The following SLC12A9 variants were observed in gnomAD, a reference collection of about 807,000 sequenced individuals.
SLC12A9 encodes solute carrier family 12 member 9.
Under a neutral mutation model 66.0 loss-of-function variants are expected in SLC12A9, and 55 were observed. That is an observed-to-expected ratio of 0.83 (90% CI 0.67 to 1.04). SLC12A9 has a LOEUF of 1.04. Among genes scored for constraint, SLC12A9 ranks in the 50% least tolerant of loss-of-function variants. The probability of loss-of-function intolerance (pLI) is 0.00; values close to 1 mark genes in which losing one functional copy is unlikely to be tolerated. For synonymous variants in SLC12A9, 577 were observed against 569.0 expected (o/e 1.01, Z -0.20); for missense variants, 1,061 against 1,241.9 (o/e 0.85, Z 2.19).
rs145345547 is a variant in SLC12A9 at position 100,855,789 on chromosome 7, G to A, written c.400G>A (p.Val134Ile). The A allele has an allele frequency of 1.7e-5, 28 of 1,613,728 alleles. No individual in the cohort carries two copies. The highest frequency in any genetic ancestry group is 2.2e-5 in the East Asian group (1 of 44,888). ...CCTGGCTAACGTCTGTGGCTGTGCC[G>A]TCTCCCTCCTGGGGCTGGTGGAGTC... ...FYLANVCGCA[V>I]SLLGLVESVL... The change falls in exon 4 of 14, where the codon GTC becomes ATC. Residue 134 changes from valine to isoleucine, a missense_variant. Transcript: ENST00000354161.
chr7:100,829,015 T>G, intron 1 of SLC12A9, among the ~76,000 whole-genome samples: 5 of 143,012 alleles, frequency 3.5e-5, no homozygotes, highest in South Asian at 2.2e-4. Flanking sequence ...TGAGACAGAG[T>G]CTCCCTCTAT....
upstream of SLC12A9, among the ~76,000 whole-genome samples, chr7:100,847,808 G>A (rs1468337385): frequency 6.6e-6 from 1 of 151,898 alleles, no homozygotes; most frequent in South Asian, 2.1e-4. Context: ...TAGTAGAGCC[G>A]GGTGCCATGG....
At chr7:100,832,133 G>C (rs540067585) in intron 1 of SLC12A9, among the ~76,000 whole-genome samples, 1 of 152,282 alleles carries the variant, frequency 6.6e-6, no homozygotes, top group South Asian at 2.1e-4. Flanking sequence ...TTGGGAGGCG[G>C]AGGTTGCAGT....
chr7:100,831,517 G>A (rs1813542995), intron 1 of SLC12A9, among the ~76,000 whole-genome samples: 1 of 149,130 alleles, frequency 6.7e-6, no homozygotes, highest in Middle Eastern at 3.2e-3. Context: ...TTACTGTATT[G>A]CCCAGGCTGG....
chr7:100,840,185 TTTGTGGTGTGC>T (rs59535938), intron 1 of SLC12A9, among the ~76,000 whole-genome samples: 4,007 of 152,230 alleles, frequency 0.026, 168 homozygotes, highest in African/African-American at 0.09. Flanking sequence ...TGTTCTTTGT[TTTGTGGTGTGC>T]GTGTGGTGTG....
chr7:100,855,774 G>T lies in SLC12A9; in HGVS notation c.385G>T (p.Val129Phe), dbSNP rs778070838. ...SIGLMFYLAN[V>F]CGCAVSLLGL... ...TGGGCTCATGTTCTACCTGGCTAAC[G>T]TCTGTGGCTGTGCCGTCTCCCTCCT... The change falls in exon 4 of 14, where the codon GTC becomes TTC. Residue 129 changes from valine to phenylalanine, a missense_variant. Coordinates refer to ENST00000354161, the MANE Select transcript of SLC12A9 (RefSeq NM_020246.4). 1 of 1,613,992 alleles carries T rather than the reference G, an allele frequency of 6.2e-7. No homozygotes were observed. The highest frequency in any genetic ancestry group is 2.2e-5 in the East Asian group (1 of 44,896).
intron 1 of SLC12A9, 38 bp from the exon 2 acceptor site, chr7:100,854,099 TTGGGGGTGGGCGAGCTCTG>T (rs1446302448): frequency 3.4e-6 from 4 of 1,163,278 alleles, no homozygotes; most frequent in East Asian, 5.3e-5. Context: ...TTAGTGGTCT[TTGGGGGTGGGCGAGCTCTG>T]TGGGGGAGCT....
intron 1 of SLC12A9, among the ~76,000 whole-genome samples, chr7:100,843,072 T>C (rs1291018402): frequency 1.3e-5 from 2 of 152,274 alleles, no homozygotes; most frequent in Non-Finnish European, 2.9e-5. Flanking sequence ...CAGTCAGCCC[T>C]TGTTCATCCC....
chr7:100,859,418 TA>T (rs1242346700), intron 7 of SLC12A9: 8 of 503,948 alleles, frequency 1.6e-5, no homozygotes, highest in Non-Finnish European at 2.1e-5. Flanking sequence ...CTTGTGCATA[TA>T]CCATTAGGTA....
chr7:100,864,498 AG>A (rs1229942842), intron 13 of SLC12A9, among the ~76,000 whole-genome samples: 5 of 152,288 alleles, frequency 3.3e-5, no homozygotes, highest in African/African-American at 7.2e-5. Flanking sequence ...TTTCATGAGA[AG>A]GGGTCTTGGA....
rs1814429507 is a variant in SLC12A9, at chr7:100,856,947, C to T, written c.528C>T (p.Gly176=). 1.2e-6 allele frequency: 2 copies of T among 1,613,426 alleles called. No homozygotes were observed. Among genetic ancestry groups the T allele is most frequent in the Non-Finnish European group, 1.7e-6 (2 of 1,180,028 alleles). Reference sequence around the variant, plus strand: ...TGCTGTATGGCTCCCTGCTGCTGGGCCTTGTGGGTGGGGTCTGCACCCTGG... The same window carrying T: ...TGCTGTATGGCTCCCTGCTGCTGGGTCTTGTGGGTGGGGTCTGCACCCTGG... ...WNLLYGSLLL[G]LVGGVCTLGA... is the part of the protein sequence containing the mutation. The change falls in exon 5 of 14, where the codon GGC becomes GGT. Residue 176 remains glycine (G), a synonymous_variant. Transcript: ENST00000354161.
At chr7:100,827,075 C>T (rs775095504) in intron 1 of SLC12A9, 5 of 1,548,096 alleles carry the variant, frequency 3.2e-6, no homozygotes, top group South Asian at 2.4e-5. Context: ...TTTGGGGGGC[C>T]CTCGCCCCCC....
rs547741190 is a variant in SLC12A9, at chr7:100,856,150, A to G, written c.448+313A>G. On this transcript the variant is annotated intron_variant, in intron 4 of 13. Coordinates refer to ENST00000354161, the MANE Select transcript of SLC12A9 (RefSeq NM_020246.4). ...TGGGGAAGGTGGACTCTCTGATAGC[A>G]GGTGGGCAGAGGAGGGCTTGTCTTG... is the stretch of plus-strand genomic sequence containing the variant. 5.8e-5 allele frequency: 12 copies of G among 208,558 alleles called. No individual in the cohort carries two copies. In the East Asian group the frequency reaches 1.6e-3, roughly 28 times the overall value. 12.9% of individuals were successfully genotyped at this position (208,558 alleles called of 1,614,324 possible).
chr7:100,865,583 C>A, intron 13 of SLC12A9, 136 bp from the exon 14 acceptor site: 1 of 1,571,212 alleles, frequency 6.4e-7, no homozygotes, highest in South Asian at 1.2e-5. Flanking sequence ...CAGAATGTTG[C>A]CGTAAGAGCC....
Position 100,858,762 on chromosome 7 carries a change from A to G in SLC12A9, c.758-73A>G, listed in dbSNP as rs73714203. ...GCAAGAGGACCGTGGGAATGTGTGGAGAGGGTGGCTAAGAGGCCTGGATCC... is the reference window on the plus strand; with the variant it reads ...GCAAGAGGACCGTGGGAATGTGTGGGGAGGGTGGCTAAGAGGCCTGGATCC... On this transcript the variant is annotated intron_variant, in intron 5 of 13. Coordinates refer to ENST00000354161, the MANE Select transcript of SLC12A9 (RefSeq NM_020246.4). The G allele has an allele frequency of 0.013, 18,406 of 1,418,112 alleles. 1,872 individuals carry two copies. The African/African-American group carries it at 0.22, about 17-fold the overall frequency. The allele number at this position is 1,418,112 out of a possible 1,614,324, so 87.8% of individuals were successfully genotyped here. A position where few individuals can be genotyped will look rare whatever the true frequency, so the allele number is the denominator to read the frequency against.
intron 1 of SLC12A9, among the ~76,000 whole-genome samples, chr7:100,828,534 A>G (rs1388457468): frequency 1.5e-5 from 2 of 133,648 alleles, no homozygotes; most frequent in Admixed American, 7.9e-5. Context: ...CCTGGGCTAC[A>G]GAGTGAGACG....
At chr7:100,837,019 A>G (rs1813674577) in intron 1 of SLC12A9, among the ~76,000 whole-genome samples, 1 of 152,102 alleles carries the variant, frequency 6.6e-6, no homozygotes, top group Non-Finnish European at 1.5e-5. Context: ...CTGGGGGAAC[A>G]CTCTGAGGTC....
upstream of SLC12A9, among the ~76,000 whole-genome samples, chr7:100,852,190 G>A (rs1294043747): frequency 6.6e-6 from 1 of 152,230 alleles, no homozygotes; most frequent in Non-Finnish European, 1.5e-5. Context: ...GGCCCAGATC[G>A]GCGGCCAATG....
chr7:100,826,903 T>C, exon 1 of SLC12A9: 1 of 1,480,976 alleles, frequency 6.8e-7, no homozygotes, highest in Non-Finnish European at 9.1e-7. Context: ...GGCCGGCCCC[T>C]CCACTCCGAG....
Sources: allele counts gnomAD v4.1 joint callset (sites outside exome capture counted in the v4.1 genomes callset), GRCh38; gene constraint gnomAD v4.1.1; transcripts MANE v1.5; gene names NCBI Gene and HGNC (gene_info 2026-07-23, HGNC 2026-07-21).